The following SH2D1B variants were observed in gnomAD, a reference collection of about 807,000 sequenced individuals.
The protein encoded by SH2D1B is SH2 domain containing 1B, also known as SH2 domain-containing protein 1B.
Under a neutral mutation model 16.3 loss-of-function variants are expected in SH2D1B, and 11 were observed. The ratio of observed to expected loss-of-function variants is 0.67; its 90% confidence interval spans 0.42 to 1.11. The LOEUF (loss-of-function observed/expected upper bound fraction) is 1.11, where lower values mean the gene tolerates loss of function less well. Among genes scored for constraint, SH2D1B ranks in the 50% most tolerant of loss-of-function variants. SH2D1B has a pLI of 0.00. For missense variants in SH2D1B, 123 were observed against 153.1 expected (o/e 0.80, Z 1.04); for synonymous variants, 55 against 56.1 (o/e 0.98, Z 0.09).
chr1:162,407,380 G>A (rs1648676515), intron 1 of SH2D1B, among the ~76,000 whole-genome samples: 1 of 152,120 alleles, frequency 6.6e-6, no homozygotes, highest in South Asian at 2.1e-4. Flanking sequence ...CAGATCCAAG[G>A]TGATTACCTG....
intron 1 of SH2D1B, among the ~76,000 whole-genome samples, chr1:162,403,103 T>C (rs1648562072): frequency 6.6e-6 from 1 of 151,968 alleles, no homozygotes; most frequent in African/African-American, 2.4e-5. Context: ...AGACAAAGGA[T>C]ATAGAGAAAG....
chr1:162,401,080 C>A (rs180807208), intron 2 of SH2D1B, among the ~76,000 whole-genome samples: 1 of 152,164 alleles, frequency 6.6e-6, no homozygotes, highest in Admixed American at 6.5e-5. Context: ...TTCTGATATG[C>A]GCCTGATTAA....
At chr1:162,404,991 T>C (rs1243013198) in intron 1 of SH2D1B, among the ~76,000 whole-genome samples, 3 of 152,222 alleles carry the variant, frequency 2.0e-5, no homozygotes, top group East Asian at 3.8e-4. Flanking sequence ...CACAAAGACT[T>C]AGTCACAAAT....
At chr1:162,405,063 C>A (rs12746024) in intron 1 of SH2D1B, among the ~76,000 whole-genome samples, 36,208 of 152,134 alleles carry the variant, frequency 0.24, 4,911 homozygotes, top group Non-Finnish European at 0.31. Flanking sequence ...TGCATCCCTA[C>A]AATGGAGCAC....
At chr1:162,411,746 T>C (rs1648799844) in intron 1 of SH2D1B, 137 bp downstream of exon 1, 1 of 1,158,386 alleles carries the variant, frequency 8.6e-7, no homozygotes, top group Admixed American at 2.0e-5. Flanking sequence ...CCTGGCAGTG[T>C]CCATTACTTC....
chr1:162,407,185 G>A (rs892771258), intron 1 of SH2D1B, among the ~76,000 whole-genome samples: 1 of 152,178 alleles, frequency 6.6e-6, no homozygotes, highest in African/African-American at 2.4e-5. Flanking sequence ...TTCAACGTAG[G>A]TTCTTTTCTA....
intron 1 of SH2D1B, among the ~76,000 whole-genome samples, chr1:162,406,831 C>T (rs1185629928): frequency 6.6e-6 from 1 of 152,172 alleles, no homozygotes; most frequent in African/African-American, 2.4e-5. Context: ...TTGCAAAGTC[C>T]TCCTTTTCTT....
At position 162,397,290 on chromosome 1, in the gene SH2D1B, A is replaced by C; in HGVS notation, c.389T>G (p.Val130Gly). 6.2e-7 allele frequency: 1 copy of C among 1,613,876 alleles called. No homozygotes were observed. The highest frequency in any genetic ancestry group is 8.5e-7 in the Non-Finnish European group (1 of 1,179,912). The change falls in exon 4 of 4, where the codon GTC (valine) becomes GGC (glycine). Residue 130 changes from valine (V) to glycine (G), a missense_variant. Coordinates refer to ENST00000367929, the MANE Select transcript of SH2D1B (RefSeq NM_053282.5). ...CCGGCAGCCTTATCTTCAAGGCAAG[A>C]CATCCACATAATCGCTGTTACTGTT... ...FVNSNSDYVD[V>G]LP
intron 1 of SH2D1B, among the ~76,000 whole-genome samples, chr1:162,406,908 G>A (rs1360054364): frequency 1.3e-5 from 2 of 152,126 alleles, no homozygotes; most frequent in Admixed American, 6.5e-5. Context: ...GATGATAAAG[G>A]CAGACAGTTT....
Position 162,396,699 on chromosome 1 carries a change from G to C in SH2D1B, c.*581C>G, listed in dbSNP as rs1488519995. ...GCTGGAGGGAGAAGGGTGCACATGG[G>C]GGTCCAGCAGGTACAGAGAAGGTGC... On this transcript the variant is annotated 3_prime_UTR_variant, in exon 4 of 4. Coordinates refer to ENST00000367929, the MANE Select transcript of SH2D1B (RefSeq NM_053282.5). The C allele has an allele frequency of 6.6e-6, 1 of 152,438 alleles. No homozygotes were observed. The highest frequency in any genetic ancestry group is 6.5e-5 in the Admixed American group (1 of 15,276). 9.4% of individuals were successfully genotyped at this position (152,438 alleles called of 1,614,324 possible).
rs1298678378 is a variant in SH2D1B at position 162,397,092 on chromosome 1, ATGT to A, written c.*185_*187del. The A allele has an allele frequency of 3.4e-6, 2 of 594,496 alleles. No individual in the cohort carries two copies. The highest frequency in any genetic ancestry group is 3.7e-5 in the African/African-American group (2 of 53,458). 36.8% of individuals were successfully genotyped at this position (594,496 alleles called of 1,614,324 possible). A position where few individuals can be genotyped will look rare whatever the true frequency, so the allele number is the denominator to read the frequency against. ...AGGGTTTTGAAATTGCTCCTGGTATATGTCTGGGAGGCGGGGATGTGGAGAGTG... is the reference window on the plus strand; with the variant it reads ...AGGGTTTTGAAATTGCTCCTGGTATACTGGGAGGCGGGGATGTGGAGAGTG... On this transcript the variant is annotated 3_prime_UTR_variant, in exon 4 of 4. Coordinates refer to ENST00000367929, the MANE Select transcript of SH2D1B (RefSeq NM_053282.5).
At chr1:162,397,355 C>A (rs756628230) in intron 3 of SH2D1B, 40 bp from the exon 4 acceptor site, 17 of 1,610,380 alleles carry the variant, frequency 1.1e-5, no homozygotes, top group South Asian at 2.2e-5. Context: ...AGCCATGAGA[C>A]CACACCCAGA....
intron 1 of SH2D1B, among the ~76,000 whole-genome samples, chr1:162,405,191 T>C (rs1476403579): frequency 6.6e-6 from 1 of 152,242 alleles, no homozygotes; most frequent in Non-Finnish European, 1.5e-5. Flanking sequence ...TATGATTTGA[T>C]TTACATTAAA....
intron 1 of SH2D1B, among the ~76,000 whole-genome samples, chr1:162,404,090 C>T (rs1013764079): frequency 1.3e-5 from 2 of 152,164 alleles, no homozygotes; most frequent in African/African-American, 4.8e-5. Flanking sequence ...AATCCTAGCA[C>T]TTTGGGAGGC....
intron 1 of SH2D1B, among the ~76,000 whole-genome samples, chr1:162,404,471 C>T (rs1278380866): frequency 6.6e-6 from 1 of 151,842 alleles, no homozygotes; most frequent in South Asian, 2.1e-4. Context: ...TTAGTCATTC[C>T]ACAACGTATA....
intron 1 of SH2D1B, among the ~76,000 whole-genome samples, chr1:162,406,087 G>A (rs948705939): frequency 4.6e-5 from 7 of 152,204 alleles, no homozygotes; most frequent in African/African-American, 1.7e-4. Context: ...AGTCAACAAA[G>A]AAATATTTTA....
intron 2 of SH2D1B, among the ~76,000 whole-genome samples, chr1:162,400,328 G>A (rs1485507527): frequency 8.5e-6 from 1 of 117,484 alleles, no homozygotes; most frequent in Non-Finnish European, 1.6e-5. Flanking sequence ...GTCTCACTCT[G>A]TGGCCCAGGC....
At position 162,399,074 on chromosome 1, in the gene SH2D1B, G is replaced by A; in HGVS notation, c.212C>T (p.Ser71Phe). 1 of 1,612,466 alleles carries A rather than the reference G, an allele frequency of 6.2e-7. No individual in the cohort carries two copies. The highest frequency in any genetic ancestry group is 8.5e-7 in the Non-Finnish European group (1 of 1,179,224). The change falls in exon 3 of 4, where the codon TCT becomes TTT. Residue 71 changes from serine (S) to phenylalanine (F), a missense_variant. By Grantham distance (155) the Ser-to-Phe change is radical. Transcript: ENST00000367929. The part of the protein sequence containing the change: ...GYYRIQTAEG[S>F]PKQVFPSLKE... The stretch of plus-strand genomic sequence containing the variant: ...TAGGCTTGGAAAGACCTGTTTTGGA[G>A]AACCTTCTGCAGTCTGCAAAAATAC...
chr1:162,398,916 A>T lies in SH2D1B; in HGVS notation c.363+7T>A. On this transcript the variant is annotated splice_region_variant and intron_variant, in intron 3 of 3. Transcript: ENST00000367929. ...TTGCTTTCTGACCCCCACGTGAGAG[A>T]TTTTACCACAAATGTTTCCAACTCT... 1.9e-6 allele frequency: 3 copies of T among 1,608,174 alleles called. No homozygotes were observed. Among genetic ancestry groups the T allele is most frequent in the Non-Finnish European group, 1.7e-6 (2 of 1,175,842 alleles).
Sources: allele counts gnomAD v4.1 joint callset (sites outside exome capture counted in the v4.1 genomes callset), GRCh38; gene constraint gnomAD v4.1.1; transcripts MANE v1.5; gene names NCBI Gene and HGNC (gene_info 2026-07-23, HGNC 2026-07-21).